The following CFAP251 variants were observed in gnomAD, a reference collection of about 807,000 sequenced individuals.
CFAP251 encodes the protein cilia and flagella associated protein 251, also known as cilia- and flagella-associated protein 251.
Under a neutral mutation model 126.7 loss-of-function variants are expected in CFAP251, and 93 were observed. The observed-to-expected ratio is 0.73, with a 90% CI of 0.62 to 0.87. CFAP251 has a LOEUF of 0.87. Ranked by LOEUF, CFAP251 falls within the 40% of genes least tolerant of loss-of-function variation. The pLI, the probability that CFAP251 is intolerant of heterozygous loss-of-function variation, is 0.00. For synonymous variants in CFAP251, 503 were observed against 506.9 expected, an observed-to-expected ratio of 0.99 and a Z score of 0.10; for missense variants, 1,287 against 1,389.2, an observed-to-expected ratio of 0.93 and a Z score of 1.17.
intron 5 of CFAP251, among the ~76,000 whole-genome samples, chr12:121,937,675 C>T (rs751711744): frequency 1.1e-4 from 17 of 152,082 alleles, no homozygotes; most frequent in Non-Finnish European, 2.4e-4. Context: ...TCCAGATGCA[C>T]GAGGAGGTTA....
At chr12:121,962,764 GA>G (rs1881986731) in intron 15 of CFAP251, among the ~76,000 whole-genome samples, 1 of 152,106 alleles carries the variant, frequency 6.6e-6, no homozygotes, top group Admixed American at 6.5e-5. Flanking sequence ...AGGCCTTGGA[GA>G]GCAGGGGACA....
rs184079436 is a variant in CFAP251, at chr12:121,967,574, C to T, written c.2608-432C>T. On this transcript the variant is annotated intron_variant, in intron 16 of 21. Transcript: ENST00000288912. ...AAAATGAGCCGGGCGTGGTGGTGGG[C>T]GCCTGTAGTCCCAGCTACTCAGGAG... Among the ~76,000 whole-genome samples, 241 of 152,114 alleles carry T rather than the reference C, an allele frequency of 1.6e-3. 1 individual carries two copies. Among genetic ancestry groups the T allele is most frequent in the East Asian group, 0.015 (78 of 5,152 alleles).
chr12:121,992,385 G>C, intron 19 of CFAP251: 4 of 985,396 alleles, frequency 4.1e-6, no homozygotes, highest in Non-Finnish European at 4.8e-6. Context: ...TACGGGAAGA[G>C]AGAGTAAGAG....
At chr12:121,991,025 C>G (rs1882864521) in intron 19 of CFAP251, among the ~76,000 whole-genome samples, 1 of 152,182 alleles carries the variant, frequency 6.6e-6, no homozygotes, top group South Asian at 2.1e-4. Context: ...TGGCTTTGCA[C>G]TAAACCAAAT....
At chr12:121,958,237 A>G in intron 11 of CFAP251, 35 bp from the exon 12 acceptor site, 1 of 1,609,804 alleles carries the variant, frequency 6.2e-7, no homozygotes, top group Non-Finnish European at 8.5e-7. Flanking sequence ...TTCCCTGCAA[A>G]CACTGATATT....
chr12:121,930,541 A>G (rs1880641848), intron 3 of CFAP251, among the ~76,000 whole-genome samples: 1 of 152,166 alleles, frequency 6.6e-6, no homozygotes, highest in Admixed American at 6.6e-5. Flanking sequence ...AAACTAGTAC[A>G]TAAATAAACT....
At chr12:121,936,719 C>G (rs1880909053) in intron 5 of CFAP251, among the ~76,000 whole-genome samples, 1 of 152,124 alleles carries the variant, frequency 6.6e-6, no homozygotes, top group Admixed American at 6.6e-5. Flanking sequence ...AGGGAAGGAG[C>G]TGTAGGGTTT....
At chr12:121,944,351 G>C (rs1268241678) in intron 7 of CFAP251, among the ~76,000 whole-genome samples, 1 of 152,070 alleles carries the variant, frequency 6.6e-6, no homozygotes, top group Non-Finnish European at 1.5e-5. Context: ...TTCTCCTTAA[G>C]GTTGTGTTAA....
chr12:121,972,225 G>T (rs1434193716), intron 17 of CFAP251, among the ~76,000 whole-genome samples: 1 of 152,236 alleles, frequency 6.6e-6, no homozygotes, highest in Non-Finnish European at 1.5e-5. Flanking sequence ...AGTTTGGAGG[G>T]CTCAGAAGAA....
chr12:121,967,532 C>G (rs938842992), intron 16 of CFAP251, among the ~76,000 whole-genome samples: 2 of 152,082 alleles, frequency 1.3e-5, no homozygotes, highest in Non-Finnish European at 2.9e-5. Flanking sequence ...GAAACCCCGT[C>G]TCTACTAAAA....
chr12:121,985,421 C>T (rs1882722371), intron 19 of CFAP251, among the ~76,000 whole-genome samples: 2 of 150,758 alleles, frequency 1.3e-5, no homozygotes, highest in Non-Finnish European at 2.9e-5. Context: ...GTAATCCCAG[C>T]AACTCCAGAG....
chr12:122,001,435 G>T, intron 20 of CFAP251, 62 bp from the exon 21 acceptor site: 1 of 1,347,382 alleles, frequency 7.4e-7, no homozygotes, highest in Non-Finnish European at 1.1e-6. Flanking sequence ...ATAACGCTAA[G>T]CCCTGACAGT....
chr12:121,959,030 A>C lies in CFAP251; in HGVS notation c.2069A>C (p.Lys690Thr), dbSNP rs764636078. 1.9e-6 allele frequency: 3 copies of C among 1,613,448 alleles called. No homozygotes were observed. Among genetic ancestry groups the C allele is most frequent in the Admixed American group, 1.7e-5 (1 of 59,794 alleles). ...SLENESPEPF[K>T]YSRTSVTHIS... ...GAAAATGAAAGCCCAGAGCCTTTCA[A>C]ATATTCCAGAACCAGTGTGACTCAT... is the stretch of plus-strand genomic sequence containing the variant. Residue 690 changes from lysine (K) to threonine (T), a missense_variant, in exon 13 of 22, where the codon AAA becomes ACA. Lys to Thr is a moderately conservative substitution (Grantham distance 78). Transcript: ENST00000288912.
chr12:121,987,984 T>C (rs1395114886), intron 19 of CFAP251, among the ~76,000 whole-genome samples: 1 of 152,076 alleles, frequency 6.6e-6, no homozygotes, highest in African/African-American at 2.4e-5. Flanking sequence ...TTTATTATTA[T>C]TTTTCTTTAT....
At chr12:122,000,668 T>C (rs1883128770) in intron 20 of CFAP251, among the ~76,000 whole-genome samples, 1 of 152,220 alleles carries the variant, frequency 6.6e-6, no homozygotes, top group African/African-American at 2.4e-5. Flanking sequence ...TTTCTCATTA[T>C]TGTACATGAG....
chr12:121,931,320 T>A (rs1156892722), intron 3 of CFAP251, among the ~76,000 whole-genome samples: 2 of 152,130 alleles, frequency 1.3e-5, no homozygotes, highest in Admixed American at 1.3e-4. Context: ...AACATTAACG[T>A]TGCCATCTTA....
chr12:121,985,004 T>C (rs1169908793), intron 19 of CFAP251, among the ~76,000 whole-genome samples: 1 of 152,146 alleles, frequency 6.6e-6, no homozygotes, highest in South Asian at 2.1e-4. Flanking sequence ...ATGATGCTCA[T>C]TGGTCATATT....
At chr12:121,937,036 C>A (rs1880922600) in intron 5 of CFAP251, among the ~76,000 whole-genome samples, 1 of 152,182 alleles carries the variant, frequency 6.6e-6, no homozygotes, top group South Asian at 2.1e-4. Flanking sequence ...AAGTGACTTT[C>A]CCATTTGTGA....
chr12:121,924,063 TGGG>T (rs1880303539), intron 3 of CFAP251, 73 bp downstream of exon 3: 1 of 1,482,966 alleles, frequency 6.7e-7, no homozygotes, highest in East Asian at 2.3e-5. Context: ...TTATGCATGT[TGGG>T]GGAAAAAGAA....
Sources: gnomAD v4.1 joint callset for allele counts (sites outside exome capture counted in the v4.1 genomes callset) on GRCh38, gnomAD v4.1.1 for gene constraint, MANE v1.5 for transcripts, NCBI Gene and HGNC (gene_info 2026-07-23, HGNC 2026-07-21) for gene names.